Variants in VDR observed in about 807,000 individuals in gnomAD.
VDR encodes the protein vitamin D3 receptor.
VDR carries 19 observed loss-of-function variants against 39.7 expected under a neutral mutation model. That is an observed-to-expected ratio of 0.48 (90% CI 0.33 to 0.70). VDR has a LOEUF of 0.70. Among genes scored for constraint, VDR ranks in the 30% least tolerant of loss-of-function variants. The pLI is 0.02. For synonymous variants in VDR, 242 were observed against 215.8 expected (o/e 1.12, Z -1.07); for missense variants, 442 against 570.5 (o/e 0.77, Z 2.29).
intron 1 of VDR, among the ~76,000 whole-genome samples, chr12:47,895,198 G>A (rs192976248): frequency 3.3e-5 from 5 of 152,336 alleles, no homozygotes; most frequent in Admixed American, 3.3e-4. Context: ...GTAAAAAGGG[G>A]AAGGCTGTGA....
In VDR at chr12:47,875,780, G is replaced by A. The variant is rs536830171; in HGVS notation, c.146+3188C>T. ...TCTGGTCACAAAATTTTCATCAACT[G>A]ATCAACACATAACCTTGTCTTATGT... On this transcript the variant is annotated intron_variant, in intron 3 of 9. Transcript: ENST00000549336. Among the ~76,000 whole-genome samples the A allele has an allele frequency of 7.2e-5, 11 of 152,296 alleles. No individual in the cohort carries two copies. The East Asian group carries it at 2.1e-3, about 29-fold the overall frequency.
At chr12:47,852,717 A>G (rs1038476737) in intron 7 of VDR, among the ~76,000 whole-genome samples, 7 of 152,224 alleles carry the variant, frequency 4.6e-5, no homozygotes, top group Non-Finnish European at 7.3e-5. Context: ...TTCTCAGGGC[A>G]GAAACAAACT....
chr12:47,862,194 G>C (rs1165577976), intron 4 of VDR, among the ~76,000 whole-genome samples: 1 of 152,238 alleles, frequency 6.6e-6, no homozygotes, highest in East Asian at 1.9e-4. Flanking sequence ...AAAATTTCTT[G>C]GGTTCCCAGG....
chr12:47,869,535 CAAA>C (rs33940574), intron 3 of VDR, among the ~76,000 whole-genome samples: 1,546 of 68,896 alleles, frequency 0.022, 11 homozygotes, highest in African/African-American at 0.051. Context: ...GACTCCATCT[CAAA>C]AAAAAAAAAA....
rs1257502845 is a variant in VDR at position 47,855,541 on chromosome 12, A to ATT, written c.755+88_755+89insAA. ...TTTAAAAAAATAAAAAATAAAAAAA[A>ATT]GAAGTGGTGGATGAGTGATCTCCAA... On this transcript the variant is annotated intron_variant, in intron 7 of 9. Coordinates refer to ENST00000549336, the MANE Select transcript of VDR (RefSeq NM_000376.3). 83 of 1,477,914 alleles carry ATT rather than the reference A, an allele frequency of 5.6e-5. 2 individuals carry two copies. The highest frequency in any genetic ancestry group is 3.6e-4 in the South Asian group (30 of 82,924). The allele number at this position is 1,477,914 out of a possible 1,614,324, so 91.6% of individuals were successfully genotyped here.
At chr12:47,904,605 C>T (rs1946634991) in intron 1 of VDR, 1 of 1,535,998 alleles carries the variant, frequency 6.5e-7, no homozygotes, top group South Asian at 1.2e-5. Context: ...CAGCCAATCG[C>T]TCCTTTTCTT....
At position 47,895,874 on chromosome 12, in the gene VDR, A is replaced by G. The variant is rs555012635; in HGVS notation, c.-84+9081T>C. On this transcript the variant is annotated intron_variant, in intron 1 of 9. Transcript: ENST00000549336. ...TGCTGGGCCGAGAGGGGCTGCTCCC[A>G]TCAACCAGCGTGTGCTCTCCAGTCC... Among the ~76,000 whole-genome samples the G allele has an allele frequency of 3.3e-5, 5 of 152,362 alleles. No homozygotes were observed. In the East Asian group the frequency reaches 9.6e-4, roughly 29 times the overall value.
intron 3 of VDR, among the ~76,000 whole-genome samples, chr12:47,871,060 A>G (rs1945844978): frequency 6.6e-6 from 1 of 152,172 alleles, no homozygotes; most frequent in East Asian, 1.9e-4. Flanking sequence ...GATGGTTAGC[A>G]CTGTAGAAAA....
chr12:47,865,437 G>A (rs1268760184), intron 3 of VDR, among the ~76,000 whole-genome samples: 5 of 152,130 alleles, frequency 3.3e-5, no homozygotes, highest in Non-Finnish European at 5.9e-5. Flanking sequence ...GGGGGGACAG[G>A]GTGTTGCTTT....
chr12:47,883,742 T>C (rs1316910405), intron 1 of VDR, among the ~76,000 whole-genome samples: 1 of 152,234 alleles, frequency 6.6e-6, no homozygotes, highest in Non-Finnish European at 1.5e-5. Context: ...CCCCAGCTTT[T>C]GTCTTTCTTT....
intron 1 of VDR, among the ~76,000 whole-genome samples, chr12:47,894,767 G>C (rs533888185): frequency 1.3e-5 from 2 of 152,170 alleles, no homozygotes; most frequent in African/African-American, 2.4e-5. Flanking sequence ...CACTAACTGG[G>C]GTCACTATCC....
intron 1 of VDR, among the ~76,000 whole-genome samples, chr12:47,903,378 G>A (rs1469227218): frequency 6.6e-6 from 1 of 152,170 alleles, no homozygotes; most frequent in African/African-American, 2.4e-5. Context: ...CTGCAGGGAG[G>A]GCTACTTCTG....
At position 47,882,756 on chromosome 12, in the gene VDR, A is replaced by T; in HGVS notation, c.-65T>A. On this transcript the variant is annotated 5_prime_UTR_variant, in exon 2 of 10. Transcript: ENST00000549336. ...TGCTCTTCTGTGAGGTCTCACAGAC[A>T]CTTCAGACCCAAAGGCTTCTGAAAT... is the stretch of plus-strand genomic sequence containing the variant. 1 of 1,534,802 alleles carries T rather than the reference A, an allele frequency of 6.5e-7. No individual in the cohort carries two copies. Among genetic ancestry groups the T allele is most frequent in the Non-Finnish European group, 8.7e-7 (1 of 1,146,374 alleles).
chr12:47,881,988 A>C (rs1048352410), intron 2 of VDR, among the ~76,000 whole-genome samples: 6 of 152,194 alleles, frequency 3.9e-5, no homozygotes, highest in African/African-American at 1.4e-4. Context: ...TTTCGTGGAA[A>C]ACAGAGAAAT....
intron 4 of VDR, among the ~76,000 whole-genome samples, chr12:47,859,795 G>T (rs1253430656): frequency 6.6e-6 from 1 of 151,892 alleles, no homozygotes; most frequent in Non-Finnish European, 1.5e-5. Context: ...TTACTTAAGG[G>T]CAGGGTCCAT....
At position 47,842,809 on chromosome 12, in the gene VDR, G is replaced by A. The variant is rs1945197922; in HGVS notation, c.*1937C>T. 1 of 151,964 alleles carries A rather than the reference G, an allele frequency of 6.6e-6. No individual in the cohort carries two copies. Among genetic ancestry groups the A allele is most frequent in the African/African-American group, 2.4e-5 (1 of 41,340 alleles). 9.4% of individuals were successfully genotyped at this position (151,964 alleles called of 1,614,324 possible). A position where few individuals can be genotyped will look rare whatever the true frequency, so the allele number is the denominator to read the frequency against. ...CTTCTAGCTAGTTATATATGCTTGG[G>A]TGAGTCACGCCCTCCTCTGTCAGTT... On this transcript the variant is annotated 3_prime_UTR_variant, in exon 10 of 10. Coordinates refer to ENST00000549336, the MANE Select transcript of VDR (RefSeq NM_000376.3).
At position 47,842,453 on chromosome 12, in the gene VDR, A is replaced by G. The variant is rs944104059; in HGVS notation, c.*2293T>C. 6.6e-6 allele frequency: 1 copy of G among 152,174 alleles called. No homozygotes were observed. Among genetic ancestry groups the G allele is most frequent in the African/African-American group, 2.4e-5 (1 of 41,372 alleles). The allele number at this position is 152,174 out of a possible 1,614,324, so 9.4% of individuals were successfully genotyped here. The stretch of plus-strand genomic sequence containing the variant: ...AAGGACACCGGACCATGACTCCAAA[A>G]TCTGGTCCTGTCCTGGTCCACTTCT... On this transcript the variant is annotated 3_prime_UTR_variant, in exon 10 of 10. Coordinates refer to ENST00000549336, the MANE Select transcript of VDR (RefSeq NM_000376.3).
At chr12:47,890,731 G>A (rs1353972769) in intron 1 of VDR, among the ~76,000 whole-genome samples, 1 of 152,222 alleles carries the variant, frequency 6.6e-6, no homozygotes, top group Non-Finnish European at 1.5e-5. Flanking sequence ...CTGAGAACGT[G>A]TGCCCTAGAA....
intron 3 of VDR, among the ~76,000 whole-genome samples, chr12:47,873,551 C>T (rs11168274): frequency 0.21 from 31,442 of 149,544 alleles, 4,414 homozygotes; most frequent in African/African-American, 0.39. Flanking sequence ...TTAGTAGAGA[C>T]GGGGTTTCAC....
Sources: allele counts gnomAD v4.1 joint callset (sites outside exome capture counted in the v4.1 genomes callset), GRCh38; gene constraint gnomAD v4.1.1; transcripts MANE v1.5; gene names NCBI Gene and HGNC (gene_info 2026-07-23, HGNC 2026-07-21).